Variants in MAN1A1 observed in about 807,000 individuals in gnomAD.
MAN1A1 encodes the protein mannosyl-oligosaccharide 1,2-alpha-mannosidase IA.
A neutral mutation model predicts 70.8 loss-of-function variants in MAN1A1; 29 were observed. The ratio of observed to expected loss-of-function variants is 0.41; its 90% CI spans 0.31 to 0.56. The LOEUF (loss-of-function observed/expected upper bound fraction) is 0.56. Ranked by LOEUF, MAN1A1 falls within the 20% of genes least tolerant of loss-of-function variation. The pLI is 0.29. For synonymous variants in MAN1A1, 349 were observed against 330.1 expected (o/e 1.06, Z -0.62); for missense variants, 747 against 841.3 (o/e 0.89, Z 1.39).
In MAN1A1 at chr6:119,223,311, C is replaced by A. The variant is rs543923318; in HGVS notation, c.993-18429G>T. 9.9e-5 allele frequency among the ~76,000 whole-genome samples: 15 copies of A among 152,094 alleles called. No individual in the cohort carries two copies. The South Asian group carries it at 2.9e-3, about 29-fold the overall frequency. ...AGCATAGCCTATGCAGTTTATAAAA[C>A]AATCAGGAATAATTTTTTTGCTTAT... On this transcript the variant is annotated intron_variant, in intron 6 of 12. Coordinates refer to ENST00000368468, the MANE Select transcript of MAN1A1 (RefSeq NM_005907.4).
In MAN1A1 at chr6:119,336,271, C is replaced by T. The variant is rs186937668; in HGVS notation, c.603+12192G>A. On this transcript the variant is annotated intron_variant, in intron 2 of 12. Coordinates refer to ENST00000368468, the MANE Select transcript of MAN1A1 (RefSeq NM_005907.4). The stretch of plus-strand genomic sequence containing the variant: ...TTTTCGTAGAGACAGGGTTTTACCA[C>T]GTTGGCCAGGCTGGTCTTGAATTCC... 2.6e-5 allele frequency among the ~76,000 whole-genome samples: 4 copies of T among 152,220 alleles called. No homozygotes were observed. The East Asian group carries it at 5.8e-4, about 22-fold the overall frequency.
intron 11 of MAN1A1, among the ~76,000 whole-genome samples, chr6:119,180,640 G>T (rs890951829): frequency 9.9e-5 from 15 of 151,912 alleles, no homozygotes; most frequent in Non-Finnish European, 1.5e-5. Context: ...AGCCTCCCAA[G>T]TAGCTGGGAC....
rs61169300 is a variant in MAN1A1, at chr6:119,260,976, GT to G, written c.898-12623del. Among the ~76,000 whole-genome samples, 27 of 116,948 alleles carry G rather than the reference GT, an allele frequency of 2.3e-4. 3 individuals carry two copies. Among genetic ancestry groups the G allele is most frequent in the African/African-American group, 8.0e-4 (24 of 29,864 alleles). 76.7% of individuals were successfully genotyped at this position (116,948 alleles called of 152,430 possible). ...TATCTAAATGTCTTGTTTTTTTATT[GT>G]TTTTTTTTTTTTTTTTTTTGAGATG... On this transcript the variant is annotated intron_variant, in intron 5 of 12. Transcript: ENST00000368468.
intron 6 of MAN1A1, among the ~76,000 whole-genome samples, chr6:119,233,620 G>T (rs1034689578): frequency 6.6e-6 from 1 of 152,162 alleles, no homozygotes; most frequent in Non-Finnish European, 1.5e-5. Flanking sequence ...ATAAGCACAG[G>T]GTACAAGAGG....
chr6:119,342,405 T>C (rs1363825572), intron 2 of MAN1A1, among the ~76,000 whole-genome samples: 12 of 152,208 alleles, frequency 7.9e-5, no homozygotes, highest in Admixed American at 2.0e-4. Flanking sequence ...GCAGCATTTG[T>C]TGTGTGCCCA....
chr6:119,274,440 G>A (rs560468574), intron 5 of MAN1A1, among the ~76,000 whole-genome samples: 2 of 152,260 alleles, frequency 1.3e-5, no homozygotes, highest in South Asian at 4.1e-4. Flanking sequence ...CATACCAATT[G>A]TATTGGTAAG....
intron 4 of MAN1A1, among the ~76,000 whole-genome samples, chr6:119,294,217 T>C (rs1772135080): frequency 6.6e-6 from 1 of 152,136 alleles, no homozygotes; most frequent in South Asian, 2.1e-4. Flanking sequence ...ATCTGGATTT[T>C]CAAAAGTGAA....
At chr6:119,303,802 T>G (rs1772459153) in intron 3 of MAN1A1, among the ~76,000 whole-genome samples, 1 of 152,168 alleles carries the variant, frequency 6.6e-6, no homozygotes, top group Admixed American at 6.5e-5. Flanking sequence ...GATCTTATAC[T>G]CAGGCACCCT....
intron 5 of MAN1A1, among the ~76,000 whole-genome samples, chr6:119,251,521 G>A (rs1446961953): frequency 6.6e-6 from 1 of 152,206 alleles, no homozygotes; most frequent in Non-Finnish European, 1.5e-5. Context: ...TCCAGGCCAA[G>A]ACTCCAGGTC....
At chr6:119,297,436 T>G (rs1772245751) in intron 4 of MAN1A1, among the ~76,000 whole-genome samples, 1 of 152,202 alleles carries the variant, frequency 6.6e-6, no homozygotes, top group Non-Finnish European at 1.5e-5. Context: ...AATATTAAGA[T>G]GACATGCCTA....
At chr6:119,288,234 A>G (rs1776431226) in intron 5 of MAN1A1, among the ~76,000 whole-genome samples, 1 of 151,910 alleles carries the variant, frequency 6.6e-6, no homozygotes, top group South Asian at 2.1e-4. Context: ...TCTACTTCTG[A>G]TGGTGATTTG....
chr6:119,236,707 C>CAAAAAAA (rs34748730), intron 6 of MAN1A1, among the ~76,000 whole-genome samples: 1 of 96,596 alleles, frequency 1.0e-5, no homozygotes, highest in Non-Finnish European at 2.2e-5. Context: ...GACTTTGTCT[C>CAAAAAAA]AAAAAAAAAA....
chr6:119,202,533 T>C (rs1773742008), intron 7 of MAN1A1, among the ~76,000 whole-genome samples: 1 of 152,206 alleles, frequency 6.6e-6, no homozygotes, highest in Non-Finnish European at 1.5e-5. Flanking sequence ...AAATCAGTAA[T>C]GCAGTCATTT....
rs1396901826 is a variant in MAN1A1 at position 119,177,686 on chromosome 6, A to T, written c.*2133T>A. 2 of 151,314 alleles carry T rather than the reference A, an allele frequency of 1.3e-5. No homozygotes were observed. Among genetic ancestry groups the T allele is most frequent in the Non-Finnish European group, 3.0e-5 (2 of 67,664 alleles). 9.4% of individuals were successfully genotyped at this position (151,314 alleles called of 1,614,324 possible). On this transcript the variant is annotated 3_prime_UTR_variant, in exon 13 of 13. Transcript: ENST00000368468. ...TTTTTGGTGTTTTGGGACTTTTGTT[A>T]AAAAAAAATCCAAGTTCTAGAATTG...
At chr6:119,263,965 A>C (rs1364740889) in intron 5 of MAN1A1, among the ~76,000 whole-genome samples, 1 of 152,218 alleles carries the variant, frequency 6.6e-6, no homozygotes, top group East Asian at 1.9e-4. Flanking sequence ...TGTTTCCTTC[A>C]GTTCTTGACC....
chr6:119,336,817 A>C (rs1267043173), intron 2 of MAN1A1, among the ~76,000 whole-genome samples: 1 of 152,222 alleles, frequency 6.6e-6, no homozygotes, highest in African/African-American at 2.4e-5. Flanking sequence ...AATGGAAACA[A>C]AACAAAACCA....
At position 119,179,959 on chromosome 6, in the gene MAN1A1, CA is replaced by C. The variant is rs1367017485; in HGVS notation, c.1836-15del. On this transcript the variant is annotated splice_polypyrimidine_tract_variant and intron_variant, in intron 12 of 12. Coordinates refer to ENST00000368468, the MANE Select transcript of MAN1A1 (RefSeq NM_005907.4). Reference sequence around the variant, plus strand: ...AGGTACAAATATCTGGTGAGAGAAACATAAGTATATGAGGCCCAAGACACTA... The same window carrying C: ...AGGTACAAATATCTGGTGAGAGAAACTAAGTATATGAGGCCCAAGACACTA... 2.5e-6 allele frequency: 4 copies of C among 1,612,770 alleles called. No homozygotes were observed. Among genetic ancestry groups the C allele is most frequent in the Admixed American group, 1.7e-5 (1 of 59,974 alleles).
intron 2 of MAN1A1, among the ~76,000 whole-genome samples, chr6:119,339,653 A>G (rs545699504): frequency 5.3e-5 from 8 of 152,104 alleles, no homozygotes; most frequent in Non-Finnish European, 5.9e-5. Flanking sequence ...CCAAGCAGAC[A>G]TGAGTTTATA....
intron 5 of MAN1A1, among the ~76,000 whole-genome samples, chr6:119,252,305 T>C (rs1348991034): frequency 6.6e-6 from 1 of 152,260 alleles, no homozygotes; most frequent in East Asian, 1.9e-4. Context: ...CTCGCTTTAT[T>C]AATTTTTTCC....
Sources: allele counts gnomAD v4.1 joint callset (sites outside exome capture counted in the v4.1 genomes callset), GRCh38; gene constraint gnomAD v4.1.1; transcripts MANE v1.5; gene names NCBI Gene and HGNC (gene_info 2026-07-23, HGNC 2026-07-21).